PTRH1: variants seen among roughly 807,000 people sequenced by gnomAD.
The protein encoded by PTRH1 is peptidyl-tRNA hydrolase.
In PTRH1, 13 loss-of-function variants were observed where a neutral mutation model predicts 15.7. That is an observed-to-expected ratio of 0.83 (90% CI 0.54 to 1.31). The LOEUF is 1.31. Ranked by LOEUF, PTRH1 falls within the 40% of genes most tolerant of loss-of-function variation. The pLI, the probability that PTRH1 is intolerant of heterozygous loss-of-function variation, is 0.00. For missense variants in PTRH1, 319 were observed against 296.2 expected (o/e 1.08, Z -0.56); for synonymous variants, 139 against 136.7 (o/e 1.02, Z -0.12).
chr9:127,701,537 C>A (rs889466823), intron 1 of PTRH1, among the ~76,000 whole-genome samples: 1 of 152,238 alleles, frequency 6.6e-6, no homozygotes, highest in Non-Finnish European at 1.5e-5. Flanking sequence ...AAAGAAAGTG[C>A]TCTTCATCTC....
intron 1 of PTRH1, among the ~76,000 whole-genome samples, chr9:127,704,808 G>T (rs1291973778): frequency 2.0e-5 from 3 of 152,136 alleles, no homozygotes; most frequent in Non-Finnish European, 4.4e-5. Flanking sequence ...AGACACTGTG[G>T]CATGATCATA....
At chr9:127,707,298 T>A (rs575781726) in intron 1 of PTRH1, 1 of 1,221,926 alleles carries the variant, frequency 8.2e-7, no homozygotes, top group Non-Finnish European at 1.1e-6. Flanking sequence ...TGTTCTGACC[T>A]CCCCTGGGAT....
At position 127,715,427 on chromosome 9, in the gene PTRH1, G is replaced by A. The variant is rs530546786; in HGVS notation, c.96+117C>T. 6.9e-7 allele frequency: 1 copy of A among 1,445,130 alleles called. No homozygotes were observed. The highest frequency in any genetic ancestry group is 1.2e-5 in the South Asian group (1 of 83,716). 89.5% of individuals were successfully genotyped at this position (1,445,130 alleles called of 1,614,324 possible). A position where few individuals can be genotyped will look rare whatever the true frequency, so the allele number is the denominator to read the frequency against. ...AGAAGTTTGGAGCCCGTCGAGCACT[G>A]AACTCACCAGTTAAGAAAACAGAGC... On this transcript the variant is annotated intron_variant, in intron 1 of 4. Coordinates refer to ENST00000543175, the MANE Select transcript of PTRH1 (RefSeq NM_001002913.3). This position sits in a 1 kb window ranked among gnomAD's most constrained non-coding sequence, Gnocchi z 5.8.
intron 1 of PTRH1, chr9:127,695,247 T>A: frequency 3.3e-6 from 2 of 598,376 alleles, no homozygotes; most frequent in South Asian, 2.1e-5. Flanking sequence ...TTTAAAGCAG[T>A]TAAAAATGCA....
chr9:127,706,515 C>T (rs1342985278), intron 1 of PTRH1, among the ~76,000 whole-genome samples: 1 of 152,180 alleles, frequency 6.6e-6, no homozygotes, highest in Non-Finnish European at 1.5e-5. Context: ...GGCAGGCACA[C>T]AGGCATGGCT....
downstream of PTRH1, chr9:127,710,499 G>A (rs538060152): frequency 3.5e-5 from 49 of 1,389,008 alleles, no homozygotes; most frequent in Admixed American, 2.3e-4. Flanking sequence ...CACACAGGGC[G>A]CACAGGAAGG....
intron 1 of PTRH1, among the ~76,000 whole-genome samples, chr9:127,699,566 C>G (rs762245245): frequency 6.6e-6 from 1 of 152,124 alleles, no homozygotes; most frequent in African/African-American, 2.4e-5. Context: ...AAGCGTTGGT[C>G]ATTCTATCTG....
intron 1 of PTRH1, among the ~76,000 whole-genome samples, chr9:127,700,895 T>C (rs1842598968): frequency 6.6e-6 from 1 of 152,248 alleles, no homozygotes; most frequent in South Asian, 2.1e-4. Flanking sequence ...AAGAAGACTA[T>C]GAACTGGCTC....
chr9:127,710,363 G>A (rs1490870191), downstream of PTRH1, among the ~76,000 whole-genome samples: 1 of 152,152 alleles, frequency 6.6e-6, no homozygotes, highest in African/African-American at 2.4e-5. Context: ...CTTGGAGGAG[G>A]TGGAACCTGA....
intron 1 of PTRH1, among the ~76,000 whole-genome samples, chr9:127,699,064 T>C (rs1842584055): frequency 6.6e-6 from 1 of 152,082 alleles, no homozygotes; most frequent in Non-Finnish European, 1.5e-5. Context: ...GTATTTTTAG[T>C]AGAGATAGGG....
intron 1 of PTRH1, among the ~76,000 whole-genome samples, chr9:127,699,824 C>T (rs528549611): frequency 1.3e-5 from 2 of 152,174 alleles, no homozygotes; most frequent in South Asian, 4.1e-4. Flanking sequence ...TAATGGTCAC[C>T]AGATGGGCTA....
Position 127,714,160 on chromosome 9 carries a change from G to A in PTRH1, c.585C>T (p.Ala195=), listed in dbSNP as rs1198866227. The A allele has an allele frequency of 6.2e-6, 10 of 1,613,904 alleles. No individual in the cohort carries two copies. The South Asian group carries it at 1.1e-4, about 18-fold the overall frequency. Residue 195 remains alanine, a synonymous_variant, in exon 5 of 5, where the codon GCC becomes GCT. Coordinates refer to ENST00000543175, the MANE Select transcript of PTRH1 (RefSeq NM_001002913.3). ...GGATGTGGTCCAAGATCAGGTCGGT[G>A]GCTCGATCCAGCAACAGAGGCAGCA... The part of the protein sequence containing the change: ...QELLPLLLDR[A]TDLILDHIRE...
At chr9:127,712,092 A>T, downstream of PTRH1, 1 of 1,518,912 alleles carries the variant, frequency 6.6e-7, no homozygotes, top group South Asian at 1.3e-5. Context: ...TTGGGGCGGG[A>T]TGGGGGCCCC....
At chr9:127,702,458 G>T (rs1460582018) in intron 1 of PTRH1, among the ~76,000 whole-genome samples, 1 of 151,798 alleles carries the variant, frequency 6.6e-6, no homozygotes, top group Admixed American at 6.6e-5. Flanking sequence ...AATCACTTGA[G>T]CCCAGGAGAT....
intron 1 of PTRH1, chr9:127,695,182 G>A (rs1842548278): frequency 1.5e-6 from 1 of 662,682 alleles, no homozygotes; most frequent in Non-Finnish European, 2.8e-6. Flanking sequence ...ATTTAAAAAA[G>A]CCCAATGCTC....
At chr9:127,713,254 G>A (rs1842811255), downstream of PTRH1, 1 of 1,397,026 alleles carries the variant, frequency 7.2e-7, no homozygotes, top group Non-Finnish European at 9.7e-7. Flanking sequence ...AGCTAGTCCT[G>A]GGTACAAACT....
intron 2 of PTRH1, among the ~76,000 whole-genome samples, chr9:127,694,573 CT>C (rs1195305548): frequency 2.6e-5 from 4 of 152,054 alleles, no homozygotes; most frequent in Non-Finnish European, 4.4e-5. Flanking sequence ...CCACAGGCCA[CT>C]GCTAAAAAGT....
intron 1 of PTRH1, chr9:127,695,504 C>T (rs958072846): frequency 2.0e-5 from 4 of 203,296 alleles, no homozygotes; most frequent in Admixed American, 1.2e-4. Context: ...AGAAGGAATG[C>T]GGAGGGCAGC....
chr9:127,711,866 C>T, downstream of PTRH1: 3 of 1,584,638 alleles, frequency 1.9e-6, no homozygotes, highest in South Asian at 2.3e-5. Context: ...CAGCAGGACA[C>T]CAAGGAGGCC....
Sources: allele counts gnomAD v4.1 joint callset (sites outside exome capture counted in the v4.1 genomes callset), GRCh38; gene constraint gnomAD v4.1.1; non-coding constraint Gnocchi (gnomAD v3.1); transcripts MANE v1.5; gene names NCBI Gene and HGNC (gene_info 2026-07-23, HGNC 2026-07-21).